The following GRID2 variants were observed in gnomAD, a reference collection of about 807,000 sequenced individuals.
GRID2 encodes the protein glutamate receptor ionotropic, delta-2.
In GRID2, 33 loss-of-function variants were observed where a neutral mutation model predicts 114.8. The ratio of observed to expected loss-of-function variants is 0.29; its 90% CI spans 0.22 to 0.38. The LOEUF (loss-of-function observed/expected upper bound fraction) is 0.38. GRID2 is among the 10% of genes least tolerant of loss of function. The pLI, the probability that GRID2 is intolerant of heterozygous loss-of-function variation, is 1.00. For missense variants in GRID2, 1,184 were observed against 1,257.7 expected (o/e 0.94, Z 0.89); for synonymous variants, 505 against 449.9 (o/e 1.12, Z -1.55).
intron 1 of GRID2, among the ~76,000 whole-genome samples, chr4:92,406,289 A>C (rs1343494346): frequency 6.6e-6 from 1 of 152,202 alleles, no homozygotes; most frequent in Non-Finnish European, 1.5e-5. Context: ...CATAACTTTA[A>C]AATTATAAAA....
intron 1 of GRID2, among the ~76,000 whole-genome samples, chr4:92,492,418 T>C (rs1432626111): frequency 6.6e-6 from 1 of 152,218 alleles, no homozygotes; most frequent in East Asian, 1.9e-4. Flanking sequence ...TTAGCATTAT[T>C]CTGTAATCAG....
At chr4:93,043,797 A>G (rs772218050) in intron 2 of GRID2, among the ~76,000 whole-genome samples, 58 of 152,144 alleles carry the variant, frequency 3.8e-4, no homozygotes, top group Admixed American at 3.3e-4. Flanking sequence ...ATAGCATTAG[A>G]AGATATACCT....
At chr4:92,308,757 A>T (rs1725546151) in intron 1 of GRID2, among the ~76,000 whole-genome samples, 1 of 151,472 alleles carries the variant, frequency 6.6e-6, no homozygotes, top group Non-Finnish European at 1.5e-5. Flanking sequence ...TTTTCAGTTG[A>T]CTACATGATT....
chr4:92,553,873 A>C (rs1184662693), intron 1 of GRID2, among the ~76,000 whole-genome samples: 1 of 152,026 alleles, frequency 6.6e-6, no homozygotes, highest in Non-Finnish European at 1.5e-5. Flanking sequence ...AGTGGTCTTG[A>C]TCTCCTGACC....
At chr4:93,645,781 A>T (rs1722055443) in intron 14 of GRID2, among the ~76,000 whole-genome samples, 1 of 152,174 alleles carries the variant, frequency 6.6e-6, no homozygotes, top group Non-Finnish European at 1.5e-5. Flanking sequence ...CACTGATGTC[A>T]CATTTTTGTT....
intron 2 of GRID2, among the ~76,000 whole-genome samples, chr4:93,029,264 A>G (rs182361238): frequency 2.0e-5 from 3 of 152,228 alleles, no homozygotes; most frequent in Non-Finnish European, 2.9e-5. Flanking sequence ...ATCTTCAAAA[A>G]AAATCTGTAA....
intron 2 of GRID2, among the ~76,000 whole-genome samples, chr4:92,728,784 T>A (rs1214781404): frequency 1.3e-5 from 2 of 151,914 alleles, no homozygotes; most frequent in Non-Finnish European, 2.9e-5. Context: ...GAGCTTATCA[T>A]AATGTTGAAA....
chr4:92,366,059 T>G (rs536014665), intron 1 of GRID2, among the ~76,000 whole-genome samples: 1 of 152,262 alleles, frequency 6.6e-6, no homozygotes, highest in African/African-American at 2.4e-5. Context: ...TGTACTTCCC[T>G]TGTACTTTGC....
At chr4:93,166,995 C>G (rs1314152495) in intron 4 of GRID2, among the ~76,000 whole-genome samples, 1 of 152,106 alleles carries the variant, frequency 6.6e-6, no homozygotes, top group East Asian at 1.9e-4. Context: ...TACTAATCCA[C>G]TTACCACTAC....
chr4:93,283,493 A>G lies in GRID2; in HGVS notation c.1245+45003A>G, dbSNP rs1162956667. 3.9e-5 allele frequency among the ~76,000 whole-genome samples: 6 copies of G among 152,218 alleles called. No homozygotes were observed. The East Asian group carries it at 1.2e-3, about 29-fold the overall frequency. On this transcript the variant is annotated intron_variant, in intron 8 of 15. Transcript: ENST00000282020. The stretch of plus-strand genomic sequence containing the variant: ...ACAAATTCCTGAATACACAACCCAG[A>G]AAAGATAACAAAATATCTGAGAATG...
At chr4:93,340,276 T>C (rs1759516584) in intron 8 of GRID2, among the ~76,000 whole-genome samples, 1 of 150,456 alleles carries the variant, frequency 6.6e-6, no homozygotes. Context: ...TGTAGAAAAA[T>C]GTTGAAGCTC....
chr4:92,537,250 G>A (rs1225441882), intron 1 of GRID2, among the ~76,000 whole-genome samples: 1 of 152,056 alleles, frequency 6.6e-6, no homozygotes, highest in Non-Finnish European at 1.5e-5. Context: ...CTAAGTTGTT[G>A]TATATAATTT....
chr4:93,103,037 A>G (rs1157970875), intron 3 of GRID2, among the ~76,000 whole-genome samples: 1 of 151,982 alleles, frequency 6.6e-6, no homozygotes, highest in Non-Finnish European at 1.5e-5. Context: ...TGCCACCAAA[A>G]TCCCCCTTCA....
At chr4:93,742,834 A>G (rs1731532275) in intron 14 of GRID2, among the ~76,000 whole-genome samples, 1 of 152,188 alleles carries the variant, frequency 6.6e-6, no homozygotes, top group African/African-American at 2.4e-5. Context: ...ATTTGGCTAA[A>G]TAATAACCCT....
At chr4:92,471,585 T>C (rs1290707602) in intron 1 of GRID2, among the ~76,000 whole-genome samples, 1 of 152,102 alleles carries the variant, frequency 6.6e-6, no homozygotes, top group Non-Finnish European at 1.5e-5. Flanking sequence ...ACTGAAATAA[T>C]AAAAATAATT....
intron 1 of GRID2, among the ~76,000 whole-genome samples, chr4:92,486,355 T>G (rs976282767): frequency 2.0e-4 from 30 of 151,902 alleles, no homozygotes; most frequent in African/African-American, 7.0e-4. Flanking sequence ...TCATATTTTA[T>G]ATAAATTGAG....
intron 1 of GRID2, among the ~76,000 whole-genome samples, chr4:92,519,643 T>G (rs1053929476): frequency 6.6e-6 from 1 of 151,004 alleles, no homozygotes; most frequent in Non-Finnish European, 1.5e-5. Flanking sequence ...GAGAGAGAGA[T>G]TGCTTTATTA....
intron 13 of GRID2, among the ~76,000 whole-genome samples, chr4:93,564,835 A>G (rs1288765397): frequency 6.6e-6 from 1 of 152,108 alleles, no homozygotes; most frequent in African/African-American, 2.4e-5. Context: ...ATACAGCACC[A>G]TATTACAAAT....
Position 93,230,286 on chromosome 4 carries a change from C to T in GRID2, c.1125+5511C>T, listed in dbSNP as rs945391526. 7.2e-5 allele frequency among the ~76,000 whole-genome samples: 11 copies of T among 152,092 alleles called. No homozygotes were observed. In the East Asian group the frequency reaches 2.1e-3, roughly 29 times the overall value. On this transcript the variant is annotated intron_variant, in intron 7 of 15. Coordinates refer to ENST00000282020, the MANE Select transcript of GRID2 (RefSeq NM_001510.4). Reference sequence around the variant, plus strand: ...TGACTGACCTGATCAACTTTCCAAACTTAATTACTGGTTCTCTTGTATTTT... The same window carrying T: ...TGACTGACCTGATCAACTTTCCAAATTTAATTACTGGTTCTCTTGTATTTT...
Sources: allele counts gnomAD v4.1 joint callset (sites outside exome capture counted in the v4.1 genomes callset), GRCh38; gene constraint gnomAD v4.1.1; transcripts MANE v1.5; gene names NCBI Gene and HGNC (gene_info 2026-07-23, HGNC 2026-07-21).